The following DENND1B variants were observed in gnomAD, a reference collection of about 807,000 sequenced individuals.
DENND1B encodes DENN domain-containing protein 1B.
DENND1B carries 59 observed loss-of-function variants against 90.1 expected under a neutral mutation model. The observed-to-expected ratio is 0.65, with a 90% CI of 0.53 to 0.81. The LOEUF (loss-of-function observed/expected upper bound fraction) is 0.81. DENND1B is among the 40% of genes least tolerant of loss of function. The probability of loss-of-function intolerance (pLI) is 0.00; values close to 1 mark genes in which losing one functional copy is unlikely to be tolerated. For synonymous variants in DENND1B, 337 were observed against 324.6 expected (o/e 1.04, Z -0.41); for missense variants, 862 against 912.6 (o/e 0.94, Z 0.71).
At chr1:197,522,827 T>C (rs949343794) in intron 20 of DENND1B, among the ~76,000 whole-genome samples, 2 of 152,068 alleles carry the variant, frequency 1.3e-5, no homozygotes, top group Non-Finnish European at 2.9e-5. Context: ...AATTTCACCA[T>C]TGGCAAAGCA....
intron 11 of DENND1B, among the ~76,000 whole-genome samples, chr1:197,616,378 C>T (rs58666162): frequency 0.033 from 4,935 of 150,816 alleles, 267 homozygotes; most frequent in African/African-American, 0.11. Context: ...AACAAAGGGC[C>T]TATTTATTTT....
At chr1:197,520,438 T>C (rs997201207) in intron 20 of DENND1B, among the ~76,000 whole-genome samples, 11 of 151,974 alleles carry the variant, frequency 7.2e-5, no homozygotes, top group African/African-American at 2.7e-4. Context: ...CCATTAATAC[T>C]GATAAGTAGT....
chr1:197,780,152 T>G (rs1558512431), upstream of DENND1B, among the ~76,000 whole-genome samples: 1 of 152,118 alleles, frequency 6.6e-6, no homozygotes, highest in Non-Finnish European at 1.5e-5. Flanking sequence ...CTCCATTGTT[T>G]GAGACAATTG....
rs1399045397 is a variant in DENND1B, at chr1:197,644,761, G to C, written c.561+929C>G. Among the ~76,000 whole-genome samples the C allele has an allele frequency of 5.3e-5, 8 of 152,150 alleles. No homozygotes were observed. The South Asian group carries it at 1.0e-3, about 20-fold the overall frequency. ...GTTTGGTATCAGAAAATTTACTATTGGCTTCTTGGACTTCCTTCACTACCT... is the reference window on the plus strand; with the variant it reads ...GTTTGGTATCAGAAAATTTACTATTCGCTTCTTGGACTTCCTTCACTACCT... On this transcript the variant is annotated intron_variant, in intron 9 of 22. Coordinates refer to ENST00000620048, the MANE Select transcript of DENND1B (RefSeq NM_001195215.2).
intron 10 of DENND1B, among the ~76,000 whole-genome samples, chr1:197,625,179 C>A (rs1678557270): frequency 1.3e-5 from 2 of 151,954 alleles, no homozygotes; most frequent in South Asian, 4.1e-4. Context: ...CAAAGATATG[C>A]CTCGAGAAGA....
chr1:197,602,669 A>G (rs1676312200), intron 13 of DENND1B, among the ~76,000 whole-genome samples: 1 of 151,422 alleles, frequency 6.6e-6, no homozygotes, highest in Non-Finnish European at 1.5e-5. Context: ...AATGAATTAA[A>G]CATATCCATT....
At chr1:197,590,255 T>G (rs964468126) in intron 14 of DENND1B, among the ~76,000 whole-genome samples, 13 of 152,130 alleles carry the variant, frequency 8.5e-5, no homozygotes, top group Admixed American at 8.5e-4. Context: ...TTTTAACAAA[T>G]GCGAACACCA....
At chr1:197,642,955 A>G in intron 9 of DENND1B, 134 bp from the exon 10 acceptor site, 2 of 588,724 alleles carry the variant, frequency 3.4e-6, no homozygotes, top group Non-Finnish European at 5.9e-6. Flanking sequence ...AAAATAATTA[A>G]GTGTAATACT....
intron 2 of DENND1B, chr1:197,735,485 C>G: frequency 6.4e-7 from 1 of 1,564,292 alleles, no homozygotes; most frequent in Non-Finnish European, 8.7e-7. Context: ...AAGAAGTGAT[C>G]TAAAGTTTTG....
At chr1:197,732,317 G>C (rs1227302689) in intron 2 of DENND1B, among the ~76,000 whole-genome samples, 3 of 152,090 alleles carry the variant, frequency 2.0e-5, no homozygotes, top group Admixed American at 6.6e-5. Context: ...TGTTTCACGT[G>C]TTCTTCTTTC....
chr1:197,672,026 C>G lies in DENND1B; in HGVS notation c.296+11G>C. 1 of 1,607,380 alleles carries G rather than the reference C, an allele frequency of 6.2e-7. No homozygotes were observed. Among genetic ancestry groups the G allele is most frequent in the South Asian group, 1.1e-5 (1 of 89,824 alleles). On this transcript the variant is annotated intron_variant, in intron 5 of 22. Coordinates refer to ENST00000620048, the MANE Select transcript of DENND1B (RefSeq NM_001195215.2). ...ATTTTGCATCTAATTTTTTTTACTA[C>G]AAATACTCACCTAAGGATGCATAAA... is the stretch of plus-strand genomic sequence containing the variant.
At chr1:197,592,219 C>T (rs765483404) in intron 14 of DENND1B, among the ~76,000 whole-genome samples, 1 of 151,096 alleles carries the variant, frequency 6.6e-6, no homozygotes, top group Non-Finnish European at 1.5e-5. Context: ...CAAACCTAAG[C>T]CCCACTCTTC....
intron 15 of DENND1B, among the ~76,000 whole-genome samples, chr1:197,559,016 T>C (rs902877730): frequency 2.0e-5 from 3 of 151,982 alleles, no homozygotes; most frequent in Non-Finnish European, 4.4e-5. Context: ...AGTCACAGAT[T>C]ACACTTCAAT....
intron 13 of DENND1B, among the ~76,000 whole-genome samples, chr1:197,597,140 T>G (rs1675773089): frequency 6.6e-6 from 1 of 151,598 alleles, no homozygotes; most frequent in Non-Finnish European, 1.5e-5. Flanking sequence ...AAGAGGGATT[T>G]TTATTATTAA....
chr1:197,748,701 A>G (rs903173159), intron 2 of DENND1B, among the ~76,000 whole-genome samples: 8 of 152,218 alleles, frequency 5.3e-5, no homozygotes, highest in African/African-American at 1.9e-4. Flanking sequence ...ACACTTTCCT[A>G]GAGCTTCCAG....
chr1:197,597,861 GAGATTTGCCGTA>G (rs1271741771), intron 13 of DENND1B, among the ~76,000 whole-genome samples: 4 of 151,718 alleles, frequency 2.6e-5, no homozygotes, highest in African/African-American at 9.7e-5. Context: ...TGTCTCAACT[GAGATTTGCCGTA>G]AGAGTAAACA....
intron 2 of DENND1B, among the ~76,000 whole-genome samples, chr1:197,716,284 A>T (rs921021778): frequency 2.6e-5 from 4 of 151,820 alleles, no homozygotes; most frequent in Non-Finnish European, 4.4e-5. Flanking sequence ...GAAAAAAGTA[A>T]GCTTTCGACA....
Position 197,583,293 on chromosome 1 carries a change from T to C in DENND1B, c.1048-40A>G, listed in dbSNP as rs759823572. 1.9e-6 allele frequency: 3 copies of C among 1,592,394 alleles called. No homozygotes were observed. The Admixed American group carries it at 5.0e-5, about 27-fold the overall frequency. On this transcript the variant is annotated intron_variant, in intron 14 of 22. Coordinates refer to ENST00000620048, the MANE Select transcript of DENND1B (RefSeq NM_001195215.2). ...AGATTTTAAGGGCATCAATAAAAGG[T>C]TAGTCAGAGAGAACTAGTCTCTTTA...
At chr1:197,590,210 T>C (rs1387548717) in intron 14 of DENND1B, among the ~76,000 whole-genome samples, 2 of 152,192 alleles carry the variant, frequency 1.3e-5, no homozygotes, top group Admixed American at 6.5e-5. Context: ...AAACAGCATT[T>C]ACTACATGGC....
Sources: allele counts gnomAD v4.1 joint callset (sites outside exome capture counted in the v4.1 genomes callset), GRCh38; gene constraint gnomAD v4.1.1; transcripts MANE v1.5; gene names NCBI Gene and HGNC (gene_info 2026-07-23, HGNC 2026-07-21).